Variants in TRHDE observed in about 807,000 individuals in gnomAD.
The protein encoded by TRHDE is thyrotropin releasing hormone degrading enzyme.
TRHDE carries 72 observed loss-of-function variants against 125.7 expected under a neutral mutation model. That is an observed-to-expected ratio of 0.57 (90% CI 0.47 to 0.70). The LOEUF is 0.70. TRHDE is among the 30% of genes least tolerant of loss of function. The pLI is 0.00. For missense variants in TRHDE, 1,110 were observed against 1,327.1 expected (o/e 0.84, Z 2.54); for synonymous variants, 509 against 509.1 (o/e 1.00, Z 0.00).
At chr12:72,389,473 G>A (rs910992977) in intron 3 of TRHDE, among the ~76,000 whole-genome samples, 8 of 152,164 alleles carry the variant, frequency 5.3e-5, no homozygotes, top group South Asian at 2.1e-4. Flanking sequence ...ACCATAGACC[G>A]GGTGACTAAA....
At chr12:72,634,055 G>T (rs1281267502) in intron 15 of TRHDE, among the ~76,000 whole-genome samples, 1 of 152,074 alleles carries the variant, frequency 6.6e-6, no homozygotes, top group African/African-American at 2.4e-5. Flanking sequence ...TAAAGCCCCT[G>T]CCAAACCCTT....
intron 2 of TRHDE, among the ~76,000 whole-genome samples, chr12:72,341,187 G>C (rs1052261822): frequency 6.6e-5 from 10 of 151,056 alleles, no homozygotes; most frequent in African/African-American, 1.2e-4. Flanking sequence ...AAAATGTGCA[G>C]ATCTGATACA....
chr12:72,592,250 T>C (rs1172200630), intron 12 of TRHDE, among the ~76,000 whole-genome samples: 2 of 152,204 alleles, frequency 1.3e-5, no homozygotes, highest in Non-Finnish European at 2.9e-5. Context: ...CTGTTAAGTT[T>C]ATCCAGTGAA....
At chr12:72,122,148 G>A (rs578216999) in intron 2 of TRHDE, among the ~76,000 whole-genome samples, 29 of 152,006 alleles carry the variant, frequency 1.9e-4, no homozygotes, top group African/African-American at 6.3e-4. Flanking sequence ...CCTTGTTTTT[G>A]TTCTCCCCCA....
chr12:72,463,345 T>C (rs1393828369), intron 3 of TRHDE, among the ~76,000 whole-genome samples: 1 of 152,208 alleles, frequency 6.6e-6, no homozygotes, highest in Non-Finnish European at 1.5e-5. Flanking sequence ...TATAGACTTA[T>C]GAATCTCAAA....
At chr12:72,429,745 T>C (rs1295965864) in intron 3 of TRHDE, among the ~76,000 whole-genome samples, 1 of 152,106 alleles carries the variant, frequency 6.6e-6, no homozygotes, top group Non-Finnish European at 1.5e-5. Flanking sequence ...AATCTCATCA[T>C]AGTTTGATTG....
rs1400069543 is a variant in TRHDE, at chr12:72,568,568, T to A, written c.2043T>A (p.Ser681Arg). The change falls in exon 10 of 19, where the codon AGT (serine) becomes AGA (arginine). Residue 681 changes from serine (S) to arginine (R), a missense_variant and splice_region_variant. Transcript: ENST00000261180. ...TTAAAGCTTGTCTTTTATTTTGCAGTTACCTGTGGCAGATTCCATTAACTA... is the reference window on the plus strand; with the variant it reads ...TTAAAGCTTGTCTTTTATTTTGCAGATACCTGTGGCAGATTCCATTAACTA... ...KTKALKLQNN[S>R]YLWQIPLTIV... is the part of the protein sequence containing the mutation. 1.2e-6 allele frequency: 2 copies of A among 1,605,890 alleles called. No individual in the cohort carries two copies. Among genetic ancestry groups the A allele is most frequent in the South Asian group, 2.2e-5 (2 of 90,038 alleles).
chr12:72,568,105 T>C (rs1295406607), intron 9 of TRHDE, among the ~76,000 whole-genome samples: 9 of 152,054 alleles, frequency 5.9e-5, no homozygotes, highest in Non-Finnish European at 1.2e-4. Flanking sequence ...TTAACTTTTC[T>C]GTAAAGTACA....
At chr12:72,655,227 C>T (rs201212487) in intron 17 of TRHDE, among the ~76,000 whole-genome samples, 13 of 152,052 alleles carry the variant, frequency 8.5e-5, no homozygotes, top group Non-Finnish European at 1.8e-4. Flanking sequence ...CATACACCAC[C>T]ACACCCGGCT....
chr12:72,415,910 T>C (rs1873711533), intron 3 of TRHDE, among the ~76,000 whole-genome samples: 1 of 152,084 alleles, frequency 6.6e-6, no homozygotes, highest in Admixed American at 6.6e-5. Flanking sequence ...AACAGTGGGA[T>C]TGCTAGATGA....
chr12:72,451,794 G>C (rs1186590555), intron 3 of TRHDE, among the ~76,000 whole-genome samples: 1 of 151,814 alleles, frequency 6.6e-6, no homozygotes, highest in African/African-American at 2.4e-5. Context: ...CCATTTATTT[G>C]TGTCTTTTTC....
chr12:72,296,979 A>G (rs1174531341), intron 2 of TRHDE, among the ~76,000 whole-genome samples: 1 of 152,152 alleles, frequency 6.6e-6, no homozygotes, highest in Non-Finnish European at 1.5e-5. Context: ...AGAGAACAGA[A>G]AGTTTCCAGA....
chr12:72,372,199 A>T (rs1362897682), intron 2 of TRHDE, among the ~76,000 whole-genome samples: 10 of 151,820 alleles, frequency 6.6e-5, no homozygotes, highest in Admixed American at 1.3e-4. Context: ...TCTTTTGAGA[A>T]GTGTCTGTTC....
At chr12:72,540,594 A>G (rs1283655256) in intron 6 of TRHDE, among the ~76,000 whole-genome samples, 1 of 151,712 alleles carries the variant, frequency 6.6e-6, no homozygotes, top group Non-Finnish European at 1.5e-5. Context: ...CCAGTTGGCA[A>G]TGGTCAGGTT....
At chr12:72,291,745 G>A (rs1195902298) in intron 2 of TRHDE, among the ~76,000 whole-genome samples, 1 of 152,184 alleles carries the variant, frequency 6.6e-6, no homozygotes, top group Non-Finnish European at 1.5e-5. Context: ...AAAGTATACA[G>A]GAAGACATGC....
chr12:72,313,311 AT>A (rs1434174600), intron 2 of TRHDE, among the ~76,000 whole-genome samples: 1 of 151,942 alleles, frequency 6.6e-6, no homozygotes, highest in Non-Finnish European at 1.5e-5. Flanking sequence ...GTTTTTAAAT[AT>A]TTGACCACAT....
intron 12 of TRHDE, among the ~76,000 whole-genome samples, chr12:72,595,914 T>C (rs1871919105): frequency 6.6e-6 from 1 of 152,092 alleles, no homozygotes; most frequent in Non-Finnish European, 1.5e-5. Context: ...AAAGATAAAT[T>C]ATATTGAGCT....
intron 6 of TRHDE, among the ~76,000 whole-genome samples, chr12:72,539,306 A>C (rs888305573): frequency 6.6e-6 from 1 of 151,802 alleles, no homozygotes; most frequent in African/African-American, 2.4e-5. Context: ...CAAACATACC[A>C]CCTTATTCAA....
intron 12 of TRHDE, among the ~76,000 whole-genome samples, chr12:72,586,457 G>A (rs1347104359): frequency 6.6e-6 from 1 of 152,110 alleles, no homozygotes; most frequent in Non-Finnish European, 1.5e-5. Flanking sequence ...TCATTGAAGA[G>A]GCCTTCACTA....
Sources: gnomAD v4.1 joint callset for allele counts (sites outside exome capture counted in the v4.1 genomes callset) on GRCh38, gnomAD v4.1.1 for gene constraint, MANE v1.5 for transcripts, NCBI Gene and HGNC (gene_info 2026-07-23, HGNC 2026-07-21) for gene names.